Variants in CTTN observed in about 807,000 individuals in gnomAD.
CTTN encodes the protein cortactin.
A neutral mutation model predicts 84.0 loss-of-function variants in CTTN; 28 were observed. The ratio of observed to expected loss-of-function variants is 0.33; its 90% CI spans 0.25 to 0.46. The LOEUF is 0.46. Ranked by LOEUF, CTTN falls within the 20% of genes least tolerant of loss-of-function variation. The pLI, the probability that CTTN is intolerant of heterozygous loss-of-function variation, is 1.00. For missense variants in CTTN, 641 were observed against 723.8 expected, an observed-to-expected ratio of 0.89 and a Z score of 1.31; for synonymous variants, 301 against 288.8, an observed-to-expected ratio of 1.04 and a Z score of -0.43.
intron 6 of CTTN, among the ~76,000 whole-genome samples, chr11:70,415,408 C>G (rs1046241115): frequency 2.0e-5 from 3 of 152,152 alleles, no homozygotes; most frequent in African/African-American, 7.2e-5. Flanking sequence ...TCCCTGCTGC[C>G]GCATGCTGGG....
chr11:70,403,434 G>A (rs142265377), intron 1 of CTTN, among the ~76,000 whole-genome samples: 218 of 152,168 alleles, frequency 1.4e-3, no homozygotes, highest in African/African-American at 5.1e-3. Flanking sequence ...TAATCCGCCC[G>A]CCTCGGCCTC....
At chr11:70,399,808 C>T (rs539166931) in intron 1 of CTTN, among the ~76,000 whole-genome samples, 109 of 152,302 alleles carry the variant, frequency 7.2e-4, no homozygotes, top group Non-Finnish European at 9.7e-4. Flanking sequence ...ATCCCATGCG[C>T]TCCCTTTGGG....
At chr11:70,429,440 GC>G (rs2058331672) in intron 14 of CTTN, among the ~76,000 whole-genome samples, 1 of 152,192 alleles carries the variant, frequency 6.6e-6, no homozygotes, top group Non-Finnish European at 1.5e-5. Flanking sequence ...TGCCGGTCCA[GC>G]CCCAGGACCC....
intron 13 of CTTN, among the ~76,000 whole-genome samples, chr11:70,427,489 C>T (rs1433297788): frequency 6.6e-6 from 1 of 152,258 alleles, no homozygotes; most frequent in Non-Finnish European, 1.5e-5. Context: ...TCTGCCTCTG[C>T]AGTCTATCGA....
chr11:70,419,709 G>A, intron 8 of CTTN, 37 bp from the exon 9 acceptor site: 3 of 1,537,134 alleles, frequency 2.0e-6, no homozygotes, highest in Non-Finnish European at 1.8e-6. Flanking sequence ...TGATTTCGTT[G>A]CTCCTTTTAA....
intron 5 of CTTN, among the ~76,000 whole-genome samples, chr11:70,410,774 C>T (rs2135559178): frequency 6.6e-6 from 1 of 152,314 alleles, no homozygotes; most frequent in Middle Eastern, 3.4e-3. Context: ...AGATGCTTGC[C>T]TTTACTCTGT....
rs2058078710 is a variant in CTTN, at chr11:70,409,711, C to G, written c.162-120C>G. On this transcript the variant is annotated intron_variant, in intron 4 of 17. Coordinates refer to ENST00000301843, the MANE Select transcript of CTTN (RefSeq NM_005231.4). Reference sequence around the variant, plus strand: ...GTGCAGGGAGAGAATCGGTGAACATCAGATAAGCAGATTTACAAATTTACA... The same window carrying G: ...GTGCAGGGAGAGAATCGGTGAACATGAGATAAGCAGATTTACAAATTTACA... The G allele has an allele frequency of 1.4e-5, 16 of 1,130,994 alleles. No homozygotes were observed. The South Asian group carries it at 1.8e-4, about 13-fold the overall frequency. 70.1% of individuals were successfully genotyped at this position (1,130,994 alleles called of 1,614,324 possible).
chr11:70,436,491 C>G lies in CTTN; in HGVS notation c.*1329C>G. The G allele has an allele frequency of 8.7e-7, 1 of 1,154,964 alleles. No homozygotes were observed. The highest frequency in any genetic ancestry group is 1.4e-5 in the South Asian group (1 of 73,950). The allele number at this position is 1,154,964 out of a possible 1,614,324, so 71.5% of individuals were successfully genotyped here. A position where few individuals can be genotyped will look rare whatever the true frequency, so the allele number is the denominator to read the frequency against. ...CAATGAGGTCGGGTTTTATATGCAA[C>G]TTATTGTATCTGAATTCCTGTAGCA... is the stretch of plus-strand genomic sequence containing the variant. On this transcript the variant is annotated 3_prime_UTR_variant, in exon 18 of 18. Transcript: ENST00000301843.
At chr11:70,425,045 G>T (rs1591446827) in intron 12 of CTTN, among the ~76,000 whole-genome samples, 1 of 152,210 alleles carries the variant, frequency 6.6e-6, no homozygotes, top group East Asian at 1.9e-4. Context: ...GCGACGGAGG[G>T]TGGGGAAGGC....
rs139350657 is a variant in CTTN at position 70,431,271 on chromosome 11, C to A, written c.1257C>A (p.Pro419=). ...CCGAGGAGAGGCTGCCCTCGAGCCCCGTCTATGAGGTTGGTGTCTTTGGTG... is the reference window on the plus strand; with the variant it reads ...CCGAGGAGAGGCTGCCCTCGAGCCCAGTCTATGAGGTTGGTGTCTTTGGTG... ...QPTEERLPSS[P]VYEDAASFKA... Residue 419 remains proline, a synonymous_variant, in exon 15 of 18, where the codon CCC becomes CCA. Coordinates refer to ENST00000301843, the MANE Select transcript of CTTN (RefSeq NM_005231.4). 1 of 1,614,102 alleles carries A rather than the reference C, an allele frequency of 6.2e-7. No individual in the cohort carries two copies. The highest frequency in any genetic ancestry group is 1.1e-5 in the South Asian group (1 of 91,082).
intron 4 of CTTN, 113 bp downstream of exon 4, chr11:70,407,704 C>T (rs944052488): frequency 1.4e-5 from 12 of 845,744 alleles, no homozygotes; most frequent in Non-Finnish European, 2.2e-5. Context: ...CTGCATTTAT[C>T]TTCTTGACCT....
At chr11:70,431,958 A>G (rs994339603) in intron 15 of CTTN, among the ~76,000 whole-genome samples, 3 of 151,920 alleles carry the variant, frequency 2.0e-5, no homozygotes, top group Admixed American at 1.3e-4. Flanking sequence ...CCCTTTCTCC[A>G]TCCCATGGCC....
chr11:70,404,502 C>T (rs1392894855), intron 1 of CTTN, among the ~76,000 whole-genome samples: 2 of 152,204 alleles, frequency 1.3e-5, no homozygotes, highest in South Asian at 2.1e-4. Flanking sequence ...GATAGACAGT[C>T]ACCATACTGG....
At position 70,436,488 on chromosome 11, in the gene CTTN, C is replaced by T. The variant is rs1278388397; in HGVS notation, c.*1326C>T. The T allele has an allele frequency of 1.4e-5, 17 of 1,221,968 alleles. No homozygotes were observed. The highest frequency in any genetic ancestry group is 2.0e-5 in the Non-Finnish European group (17 of 855,606). The allele number at this position is 1,221,968 out of a possible 1,614,324, so 75.7% of individuals were successfully genotyped here. A position where few individuals can be genotyped will look rare whatever the true frequency, so the allele number is the denominator to read the frequency against. ...GAGCAATGAGGTCGGGTTTTATATG[C>T]AACTTATTGTATCTGAATTCCTGTA... is the stretch of plus-strand genomic sequence containing the variant. On this transcript the variant is annotated 3_prime_UTR_variant, in exon 18 of 18. Transcript: ENST00000301843.
chr11:70,402,603 C>T (rs1421384841), intron 1 of CTTN, among the ~76,000 whole-genome samples: 1 of 152,182 alleles, frequency 6.6e-6, no homozygotes, highest in Non-Finnish European at 1.5e-5. Flanking sequence ...GTCTTTTGTG[C>T]GTGGTTTTCC....
At chr11:70,415,311 A>G (rs1422781320) in intron 6 of CTTN, among the ~76,000 whole-genome samples, 1 of 152,208 alleles carries the variant, frequency 6.6e-6, no homozygotes, top group African/African-American at 2.4e-5. Flanking sequence ...GGCCACTGCT[A>G]TTCTCATTAC....
chr11:70,408,267 C>T (rs1230651625), intron 4 of CTTN: 7 of 152,278 alleles, frequency 4.6e-5, no homozygotes, highest in Admixed American at 3.3e-4. Flanking sequence ...CGGTGACCGC[C>T]TCAGTATCCC....
At chr11:70,425,795 G>A (rs117134916) in intron 13 of CTTN, among the ~76,000 whole-genome samples, 442 of 152,284 alleles carry the variant, frequency 2.9e-3, no homozygotes, top group Non-Finnish European at 4.7e-3. Context: ...ATGTGCAGGC[G>A]ACAGCAGACA....
Position 70,431,800 on chromosome 11 carries a change from C to G in CTTN, c.1266+520C>G, listed in dbSNP as rs546754067. 2.0e-5 allele frequency among the ~76,000 whole-genome samples: 3 copies of G among 152,146 alleles called. No homozygotes were observed. In the East Asian group the frequency reaches 5.8e-4, roughly 30 times the overall value. On this transcript the variant is annotated intron_variant, in intron 15 of 17. Transcript: ENST00000301843. The stretch of plus-strand genomic sequence containing the variant: ...GTGCTGCTGACCCCCTCTCATGGGT[C>G]CCCCAGTGTTCCGTCCCCATCCCTG...
Sources: gnomAD v4.1 joint callset for allele counts (sites outside exome capture counted in the v4.1 genomes callset) on GRCh38, gnomAD v4.1.1 for gene constraint, MANE v1.5 for transcripts, NCBI Gene and HGNC (gene_info 2026-07-23, HGNC 2026-07-21) for gene names.